Variants in RGSL1 observed in about 807,000 individuals in gnomAD.
The protein encoded by RGSL1 is regulator of G protein signaling like 1.
Under a neutral mutation model 124.7 loss-of-function variants are expected in RGSL1, and 97 were observed. That is an observed-to-expected ratio of 0.78 (90% CI 0.66 to 0.92). RGSL1 has a LOEUF of 0.92. Ranked by LOEUF, RGSL1 falls within the 40% of genes least tolerant of loss-of-function variation. The pLI is 0.00. For synonymous variants in RGSL1, 424 were observed against 438.1 expected (o/e 0.97, Z 0.40); for missense variants, 1,233 against 1,288.4 (o/e 0.96, Z 0.66).
chr1:182,492,335 C>G (rs948722891), intron 8 of RGSL1, among the ~76,000 whole-genome samples: 1 of 152,188 alleles, frequency 6.6e-6, no homozygotes. Flanking sequence ...AGAACACATA[C>G]ATTTGCTACT....
At chr1:182,457,205 T>TA (rs1347070765) in intron 2 of RGSL1, among the ~76,000 whole-genome samples, 1 of 152,170 alleles carries the variant, frequency 6.6e-6, no homozygotes, top group Non-Finnish European at 1.5e-5. Context: ...ACAGTGAATC[T>TA]AGGGCGGTTC....
intron 15 of RGSL1, 88 bp from the exon 16 acceptor site, chr1:182,548,229 G>A: frequency 1.4e-6 from 2 of 1,432,966 alleles, no homozygotes; most frequent in Non-Finnish European, 1.9e-6. Flanking sequence ...TGCGTTTTTT[G>A]GGCCAGAAAT....
In RGSL1 at chr1:182,537,126, T is replaced by C. The variant is rs190626249; in HGVS notation, c.2495-3121T>C. On this transcript the variant is annotated intron_variant, in intron 14 of 21. Coordinates refer to ENST00000294854, the MANE Select transcript of RGSL1 (RefSeq NM_001137669.2). ...TTTTGATTTTTTAAGTAGTGTCTTT[T>C]GAAGATCCAAAATCTGAAATCCTCC... 2.5e-3 allele frequency among the ~76,000 whole-genome samples: 376 copies of C among 152,298 alleles called. 2 individuals carry two copies. Among genetic ancestry groups the C allele is most frequent in the Non-Finnish European group, 3.8e-3 (256 of 68,032 alleles).
chr1:182,452,950 A>T (rs1651970427), intron 1 of RGSL1, among the ~76,000 whole-genome samples: 1 of 152,184 alleles, frequency 6.6e-6, no homozygotes, highest in South Asian at 2.1e-4. Context: ...TTTCATTATG[A>T]ACTTTGGGTA....
intron 9 of RGSL1, among the ~76,000 whole-genome samples, chr1:182,493,979 T>C (rs528171597): frequency 1.3e-5 from 2 of 152,300 alleles, no homozygotes; most frequent in African/African-American, 4.8e-5. Flanking sequence ...CTCTACCTTA[T>C]CTGAAGACCA....
At chr1:182,484,866 T>C (rs1654981020) in intron 6 of RGSL1, among the ~76,000 whole-genome samples, 1 of 152,136 alleles carries the variant, frequency 6.6e-6, no homozygotes, top group South Asian at 2.1e-4. Context: ...CTTGGGGATG[T>C]CAGGCCATCA....
chr1:182,510,924 T>C (rs1471661262), intron 9 of RGSL1, among the ~76,000 whole-genome samples: 3 of 152,180 alleles, frequency 2.0e-5, no homozygotes, highest in Non-Finnish European at 2.9e-5. Context: ...TGAATAAATA[T>C]TAGGATGTAA....
At chr1:182,483,557 A>C (rs1193889298) in intron 6 of RGSL1, among the ~76,000 whole-genome samples, 1 of 152,210 alleles carries the variant, frequency 6.6e-6, no homozygotes, top group Non-Finnish European at 1.5e-5. Flanking sequence ...TACACATAAA[A>C]TATACTTGTA....
intron 9 of RGSL1, among the ~76,000 whole-genome samples, chr1:182,502,803 G>A (rs1261731171): frequency 1.3e-5 from 2 of 151,636 alleles, no homozygotes; most frequent in Non-Finnish European, 1.5e-5. Flanking sequence ...TTTAATATAC[G>A]CATTTGTAGG....
At chr1:182,472,372 G>A (rs781119147) in intron 4 of RGSL1, 24 bp from the exon 5 acceptor site, 16 of 1,539,414 alleles carry the variant, frequency 1.0e-5, no homozygotes, top group South Asian at 7.3e-5. Flanking sequence ...GTATAGCTCT[G>A]TGCCTCTTCT....
At chr1:182,489,732 T>A (rs1360424879) in intron 8 of RGSL1, among the ~76,000 whole-genome samples, 6 of 152,244 alleles carry the variant, frequency 3.9e-5, no homozygotes, top group Admixed American at 1.3e-4. Flanking sequence ...TGCTCTCCTA[T>A]TCACTTGTAT....
intron 1 of RGSL1, among the ~76,000 whole-genome samples, chr1:182,453,079 A>G (rs1167180776): frequency 6.6e-6 from 1 of 152,224 alleles, no homozygotes; most frequent in African/African-American, 2.4e-5. Context: ...TAGAGGAGTT[A>G]GTTGCTTCAT....
intron 3 of RGSL1, 66 bp downstream of exon 3, chr1:182,458,459 G>C (rs1652531810): frequency 7.4e-7 from 1 of 1,342,878 alleles, no homozygotes; most frequent in Admixed American, 2.1e-5. Flanking sequence ...ATTGTTTTTT[G>C]TTGTTAATTT....
chr1:182,472,546 A>C lies in RGSL1; in HGVS notation c.452A>C (p.Asn151Thr). 1 of 1,530,826 alleles carries C rather than the reference A, an allele frequency of 6.5e-7. No homozygotes were observed. Among genetic ancestry groups the C allele is most frequent in the Non-Finnish European group, 8.8e-7 (1 of 1,133,214 alleles). The allele number at this position is 1,530,826 out of a possible 1,614,324, so 94.8% of individuals were successfully genotyped here. A position where few individuals can be genotyped will look rare whatever the true frequency, so the allele number is the denominator to read the frequency against. ...QEGSRVVTLC[N>T]MNIKSLLNLS... is the part of the protein sequence containing the mutation. Reference sequence around the variant, plus strand: ...GGCTCCAGGGTGGTAACCCTCTGTAACATGAACATCAGTAAGAATTATAAA... The same window carrying C: ...GGCTCCAGGGTGGTAACCCTCTGTACCATGAACATCAGTAAGAATTATAAA... Residue 151 changes from asparagine to threonine, a missense_variant, in exon 5 of 22, where the codon AAC (asparagine) becomes ACC (threonine). Transcript: ENST00000294854.
At chr1:182,460,201 C>G (rs1652703787) in intron 4 of RGSL1, 68 bp downstream of exon 4, 5 of 1,475,714 alleles carry the variant, frequency 3.4e-6, no homozygotes, top group African/African-American at 1.5e-5. Context: ...TATAGGAAGT[C>G]ACACTTCATA....
chr1:182,509,633 C>A (rs1391481960), intron 9 of RGSL1, among the ~76,000 whole-genome samples: 1 of 131,554 alleles, frequency 7.6e-6, no homozygotes, highest in Non-Finnish European at 1.6e-5. Flanking sequence ...AGGCGCCCCT[C>A]ACCTCCCGGA....
intron 4 of RGSL1, among the ~76,000 whole-genome samples, chr1:182,466,817 A>G (rs1227405349): frequency 6.6e-6 from 1 of 152,146 alleles, no homozygotes; most frequent in Non-Finnish European, 1.5e-5. Context: ...CAGAAATAGA[A>G]ACGTCAATCC....
At chr1:182,509,697 A>T (rs1402801413) in intron 9 of RGSL1, among the ~76,000 whole-genome samples, 1 of 113,446 alleles carries the variant, frequency 8.8e-6, no homozygotes, top group Non-Finnish European at 1.8e-5. Context: ...CCCGGACGGC[A>T]CGGCTGGCCG....
chr1:182,554,561 A>C, intron 19 of RGSL1, 66 bp from the exon 20 acceptor site: 3 of 1,396,984 alleles, frequency 2.1e-6, no homozygotes, highest in Non-Finnish European at 3.0e-6. Flanking sequence ...TCCAGGGTGG[A>C]GGCCTTTCAG....
Sources: gnomAD v4.1 joint callset for allele counts (sites outside exome capture counted in the v4.1 genomes callset) on GRCh38, gnomAD v4.1.1 for gene constraint, MANE v1.5 for transcripts, NCBI Gene and HGNC (gene_info 2026-07-23, HGNC 2026-07-21) for gene names.